Variants in NRXN2 observed in about 807,000 individuals in gnomAD.
The protein encoded by NRXN2 is neurexin-2-beta.
In NRXN2, 29 loss-of-function variants were observed where a neutral mutation model predicts 128.8. The ratio of observed to expected loss-of-function variants is 0.23; its 90% CI spans 0.17 to 0.31. The LOEUF is 0.31. NRXN2 is among the 10% of genes least tolerant of loss of function. The pLI, the probability that NRXN2 is intolerant of heterozygous loss-of-function variation, is 1.00. For synonymous variants in NRXN2, 1,098 were observed against 1,075.2 expected (o/e 1.02, Z -0.41); for missense variants, 1,881 against 2,452.6 (o/e 0.77, Z 4.92).
At chr11:64,701,126 C>T (rs1196221491) in intron 2 of NRXN2, among the ~76,000 whole-genome samples, 1 of 152,192 alleles carries the variant, frequency 6.6e-6, no homozygotes, top group East Asian at 1.9e-4. Flanking sequence ...GGAGATGATG[C>T]CCTCTACCGC....
Position 64,713,486 on chromosome 11 carries a change from C to G in NRXN2, c.214G>C (p.Gly72Arg). ...TRALLLYLDD[G>R]GDCDFLELLL... ...AGCTCCAGGAAGTCGCAGTCGCCGC[C>G]GTCGTCCAGGTAGAGCAGCAGCGCG... Residue 72 changes from glycine to arginine, a missense_variant, in exon 2 of 23, where the codon GGC becomes CGC. Physicochemically the swap from Gly to Arg is moderately radical, Grantham distance 125. This residue lies in a region of NRXN2 where 997 missense variants were observed against 1,240.8 expected (regional missense o/e 0.80). Transcript: ENST00000265459. 5.9e-6 allele frequency: 9 copies of G among 1,533,610 alleles called. No homozygotes were observed. The highest frequency in any genetic ancestry group is 7.8e-6 in the Non-Finnish European group (9 of 1,149,830).
chr11:64,682,812 C>A (rs1300844149), intron 6 of NRXN2, among the ~76,000 whole-genome samples: 1 of 152,092 alleles, frequency 6.6e-6, no homozygotes, highest in Non-Finnish European at 1.5e-5. Flanking sequence ...CCAAGATCCT[C>A]CAAGAGACAC....
chr11:64,607,672 C>A lies in NRXN2; in HGVS notation c.4663G>T (p.Ala1555Ser). The A allele has an allele frequency of 2.6e-6, 4 of 1,528,978 alleles. No homozygotes were observed. Among genetic ancestry groups the A allele is most frequent in the Non-Finnish European group, 3.5e-6 (4 of 1,134,296 alleles). The allele number at this position is 1,528,978 out of a possible 1,614,324, so 94.7% of individuals were successfully genotyped here. Residue 1555 changes from alanine to serine, a missense_variant, in exon 23 of 23, where the codon GCC (alanine) becomes TCC (serine). Around this residue, in one of 7 missense-constraint regions of NRXN2, gnomAD observed 310 missense variants for 318.2 expected, o/e 0.97. Coordinates refer to ENST00000265459, the MANE Select transcript of NRXN2 (RefSeq NM_015080.4). ...CCCGCCGGCAGGTTGGGGGCCGGGG[C>A]GGAGGGGGCAAACAGCACCCCAGGG... Reference protein sequence around the residue: ...GAPGVLFAPSAPAPNLPAGKM... With the variant: ...GAPGVLFAPSSPAPNLPAGKM...
Position 64,607,304 on chromosome 11 carries a change from G to T in NRXN2, c.5031C>A (p.Ile1677=). The part of the protein sequence containing the change: ...SYQVDQSRNY[I]SNSAQSNGAV... ...CCCCATTGCTCTGGGCCGAGTTACT[G>T]ATGTAGTTTCGGCTCTGGTCCACCT... is the stretch of plus-strand genomic sequence containing the variant. Residue 1677 remains isoleucine (I), a synonymous_variant, in exon 23 of 23, where the codon ATC becomes ATA. Transcript: ENST00000265459. The T allele has an allele frequency of 6.2e-7, 1 of 1,614,066 alleles. No homozygotes were observed. The highest frequency in any genetic ancestry group is 8.5e-7 in the Non-Finnish European group (1 of 1,179,974).
chr11:64,624,279 T>C (rs192552256), intron 20 of NRXN2, among the ~76,000 whole-genome samples: 1 of 152,348 alleles, frequency 6.6e-6, no homozygotes, highest in East Asian at 1.9e-4. Context: ...AAACAGGTTC[T>C]CTGGGACACC....
chr11:64,608,126 G>A (rs1376531151), intron 22 of NRXN2, 44 bp from the exon 23 acceptor site: 9 of 1,458,014 alleles, frequency 6.2e-6, no homozygotes, highest in African/African-American at 1.4e-5. Context: ...GTCAGCGAGG[G>A]CCAGGGCGCA....
chr11:64,610,688 C>A (rs1289890894), intron 22 of NRXN2, among the ~76,000 whole-genome samples: 1 of 152,100 alleles, frequency 6.6e-6, no homozygotes, highest in Non-Finnish European at 1.5e-5. Flanking sequence ...TTTGGATGAA[C>A]AAATATGTCT....
In NRXN2 at chr11:64,607,111, C is replaced by CAG; in HGVS notation, c.*83_*84dup. 6.9e-7 allele frequency: 1 copy of CAG among 1,457,460 alleles called. No individual in the cohort carries two copies. 90.3% of individuals were successfully genotyped at this position (1,457,460 alleles called of 1,614,324 possible). On this transcript the variant is annotated 3_prime_UTR_variant, in exon 23 of 23. Transcript: ENST00000265459. ...CTGAGGCAGCCAGGGAGAGGGTCCC[C>CAG]AGGCCCCTGGCAGGGAGAGGGTGGC... is the stretch of plus-strand genomic sequence containing the variant.
chr11:64,621,484 GGAAGTGGGTA>G (rs1273101695), intron 21 of NRXN2, among the ~76,000 whole-genome samples: 1 of 152,204 alleles, frequency 6.6e-6, no homozygotes, highest in Non-Finnish European at 1.5e-5. Flanking sequence ...TTTGCAGAGA[GGAAGTGGGTA>G]CAGGCTTGTC....
chr11:64,709,688 C>T (rs978400220), intron 2 of NRXN2, among the ~76,000 whole-genome samples: 54 of 152,104 alleles, frequency 3.6e-4, no homozygotes, highest in Non-Finnish European at 1.2e-4. Context: ...TCTCTCCATT[C>T]ATTCCACAAA....
chr11:64,643,034 A>G (rs951565761), intron 17 of NRXN2: 165 of 1,000,410 alleles, frequency 1.6e-4, no homozygotes, highest in Non-Finnish European at 1.9e-4. Context: ...GCCTGGGTCC[A>G]TCGCGAGGAG....
intron 2 of NRXN2, 115 bp downstream of exon 2, chr11:64,712,855 G>C (rs914376319): frequency 7.4e-6 from 7 of 942,352 alleles, no homozygotes; most frequent in African/African-American, 5.1e-5. Context: ...CCACTCACAA[G>C]CCCTCGTGCC....
chr11:64,716,316 C>T (rs1286068287), intron 1 of NRXN2, among the ~76,000 whole-genome samples: 2 of 152,182 alleles, frequency 1.3e-5, no homozygotes, highest in African/African-American at 4.8e-5. Flanking sequence ...GTCCCCCTGC[C>T]ATGGCCACAT....
At chr11:64,618,807 T>C (rs993694001) in intron 22 of NRXN2, among the ~76,000 whole-genome samples, 1 of 152,178 alleles carries the variant, frequency 6.6e-6, no homozygotes, top group Non-Finnish European at 1.5e-5. Context: ...GCCCAGCAGC[T>C]GGCAGCTCCC....
At chr11:64,640,803 GGAA>G (rs2045547936) in intron 17 of NRXN2, among the ~76,000 whole-genome samples, 1 of 152,136 alleles carries the variant, frequency 6.6e-6, no homozygotes, top group Non-Finnish European at 1.5e-5. Context: ...TAGGAGAAAA[GGAA>G]GAAGACCAGC....
At chr11:64,608,762 C>T (rs963963361) in intron 22 of NRXN2, among the ~76,000 whole-genome samples, 1 of 152,224 alleles carries the variant, frequency 6.6e-6, no homozygotes, top group Non-Finnish European at 1.5e-5. Flanking sequence ...TCCGCCCTCA[C>T]TTGTCCCTCT....
intron 22 of NRXN2, among the ~76,000 whole-genome samples, chr11:64,614,445 C>A (rs879754408): frequency 4.6e-5 from 7 of 152,176 alleles, no homozygotes; most frequent in Non-Finnish European, 7.3e-5. Flanking sequence ...TGCTACAGCA[C>A]CCCCAAGGAG....
chr11:64,634,943 G>C (rs1263039846), intron 18 of NRXN2, among the ~76,000 whole-genome samples: 1 of 152,214 alleles, frequency 6.6e-6, no homozygotes, highest in Non-Finnish European at 1.5e-5. Flanking sequence ...CACCTCCGAA[G>C]GCTACAGGAG....
chr11:64,677,147 G>A, intron 6 of NRXN2, 110 bp from the exon 7 acceptor site: 1 of 752,778 alleles, frequency 1.3e-6, no homozygotes, highest in Non-Finnish European at 2.2e-6. Context: ...ATGACCAACT[G>A]TGAAACTCAA....
Sources: gnomAD v4.1 joint callset for allele counts (sites outside exome capture counted in the v4.1 genomes callset) on GRCh38, gnomAD v4.1.1 for gene constraint, gnomAD v4.1.1 regional missense constraint, MANE v1.5 for transcripts, NCBI Gene and HGNC (gene_info 2026-07-23, HGNC 2026-07-21) for gene names.